Variants in UBTD1 observed in about 807,000 individuals in gnomAD.
UBTD1 encodes the protein ubiquitin domain containing 1, also known as ubiquitin domain-containing protein 1.
A neutral mutation model predicts 21.7 loss-of-function variants in UBTD1; 19 were observed. The observed-to-expected ratio is 0.87, with a 90% CI of 0.61 to 1.28. The LOEUF (loss-of-function observed/expected upper bound fraction) is 1.28, where lower values mean the gene tolerates loss of function less well. Among genes scored for constraint, UBTD1 ranks in the 50% most tolerant of loss-of-function variants. The pLI, the probability that UBTD1 is intolerant of heterozygous loss-of-function variation, is 0.00. For synonymous variants in UBTD1, 116 were observed against 135.1 expected, an observed-to-expected ratio of 0.86 and a Z score of 0.98; for missense variants, 282 against 315.1, an observed-to-expected ratio of 0.89 and a Z score of 0.80.
rs72835904 is a variant in UBTD1, at chr10:97,527,219, C to T, written c.70+27946C>T. Among the ~76,000 whole-genome samples the T allele has an allele frequency of 6.4e-3, 888 of 138,302 alleles. 1 individual carries two copies. Among genetic ancestry groups the T allele is most frequent in the Middle Eastern group, 0.018 (4 of 226 alleles). The allele number at this position is 138,302 out of a possible 152,430, so 90.7% of individuals were successfully genotyped here. A position where few individuals can be genotyped will look rare whatever the true frequency, so the allele number is the denominator to read the frequency against. On this transcript the variant is annotated intron_variant, in intron 1 of 2. Coordinates refer to ENST00000370664, the MANE Select transcript of UBTD1 (RefSeq NM_024954.5). The stretch of plus-strand genomic sequence containing the variant: ...AGCCTGCCTTGGCAGGCTGCGGTGG[C>T]TTATGCCTATAATCCCATATGCGTT...
rs912644341 is a variant in UBTD1 at position 97,570,039 on chromosome 10, G to A, written c.299-99G>A. ...CCCATGTCCAAATACAGTCACATTG[G>A]GGGTTAGAGTTTCACCATATGAATT... On this transcript the variant is annotated intron_variant, in intron 2 of 2. Transcript: ENST00000370664. This position sits in a 1 kb window ranked among gnomAD's most constrained non-coding sequence, Gnocchi z 6.6. 20 of 1,472,044 alleles carry A rather than the reference G, an allele frequency of 1.4e-5. No individual in the cohort carries two copies. Among genetic ancestry groups the A allele is most frequent in the African/African-American group, 2.8e-5 (2 of 71,350 alleles). 91.2% of individuals were successfully genotyped at this position (1,472,044 alleles called of 1,614,324 possible).
chr10:97,525,258 A>G (rs1417120657), intron 1 of UBTD1, among the ~76,000 whole-genome samples: 1 of 152,154 alleles, frequency 6.6e-6, no homozygotes, highest in Non-Finnish European at 1.5e-5. Context: ...AACCCAGACA[A>G]TCTGTAAATG....
intron 1 of UBTD1, among the ~76,000 whole-genome samples, chr10:97,550,793 G>C (rs1475183886): frequency 6.6e-6 from 1 of 152,134 alleles, no homozygotes; most frequent in Non-Finnish European, 1.5e-5. Context: ...TGGGCAACTT[G>C]GAGAGGACCT....
chr10:97,570,194 T>C lies in UBTD1; in HGVS notation c.355T>C (p.Cys119Arg), dbSNP rs1168546700. ...LGNRYQLPIY[C>R]LSPPVNLLLE... ...CAATCGCTACCAGCTGCCCATCTAC[T>C]GCCTGTCACCGCCGGTGAACCTGCT... Residue 119 changes from cysteine (C) to arginine (R), a missense_variant, in exon 3 of 3, where the codon TGC becomes CGC. Cys to Arg is a radical substitution (Grantham distance 180). Coordinates refer to ENST00000370664, the MANE Select transcript of UBTD1 (RefSeq NM_024954.5). The surrounding 1 kb of genome is among the most constrained non-coding windows in gnomAD (Gnocchi z 6.6). The C allele has an allele frequency of 4.3e-6, 7 of 1,613,042 alleles. No homozygotes were observed. Among genetic ancestry groups the C allele is most frequent in the Non-Finnish European group, 5.9e-6 (7 of 1,179,852 alleles).
chr10:97,532,611 G>T (rs1383216284), intron 1 of UBTD1, among the ~76,000 whole-genome samples: 1 of 152,200 alleles, frequency 6.6e-6, no homozygotes, highest in Non-Finnish European at 1.5e-5. Flanking sequence ...CCAACATGGT[G>T]AAACCCCGTC....
intron 1 of UBTD1, among the ~76,000 whole-genome samples, chr10:97,511,632 G>C (rs2040423441): frequency 6.6e-6 from 1 of 152,036 alleles, no homozygotes; most frequent in Admixed American, 6.5e-5. Context: ...ACTGTCCTCT[G>C]TTATATGGGA....
chr10:97,536,184 G>T (rs1589876047), intron 1 of UBTD1, among the ~76,000 whole-genome samples: 2 of 151,974 alleles, frequency 1.3e-5, no homozygotes, highest in East Asian at 3.9e-4. Context: ...TAGAGATGGG[G>T]TTTCACCATG....
chr10:97,540,402 TGTG>T (rs2040582229), intron 1 of UBTD1, among the ~76,000 whole-genome samples: 1 of 152,220 alleles, frequency 6.6e-6, no homozygotes. Flanking sequence ...CGCAGTATCT[TGTG>T]GGGGTCAGGA....
At chr10:97,535,354 G>A (rs749432801) in intron 1 of UBTD1, among the ~76,000 whole-genome samples, 5 of 152,154 alleles carry the variant, frequency 3.3e-5, no homozygotes, top group African/African-American at 4.8e-5. Flanking sequence ...GGTGGCTCAC[G>A]CCTGTAATCC....
At chr10:97,541,208 G>T (rs1055327953) in intron 1 of UBTD1, among the ~76,000 whole-genome samples, 5 of 152,190 alleles carry the variant, frequency 3.3e-5, no homozygotes, top group African/African-American at 9.7e-5. Context: ...CAGGCACGGT[G>T]GCTCATGCCT....
chr10:97,537,146 C>T (rs1047046925), intron 1 of UBTD1, among the ~76,000 whole-genome samples: 66 of 152,182 alleles, frequency 4.3e-4, no homozygotes, highest in African/African-American at 1.4e-3. Flanking sequence ...CCCTCATTTT[C>T]TCAGCCCCTT....
rs1381171839 is a variant in UBTD1 at position 97,499,102 on chromosome 10, C to G, written c.-102C>G. The stretch of plus-strand genomic sequence containing the variant: ...CCCCGGGGGGAGATCGGGGAGCGCC[C>G]GATGCCGGGCGGCCGGAGCCATTGA... On this transcript the variant is annotated 5_prime_UTR_variant, in exon 1 of 3. Coordinates refer to ENST00000370664, the MANE Select transcript of UBTD1 (RefSeq NM_024954.5). 3 of 1,331,156 alleles carry G rather than the reference C, an allele frequency of 2.3e-6. No individual in the cohort carries two copies. Among genetic ancestry groups the G allele is most frequent in the African/African-American group, 3.1e-5 (2 of 64,996 alleles). 82.5% of individuals were successfully genotyped at this position (1,331,156 alleles called of 1,614,324 possible). A position where few individuals can be genotyped will look rare whatever the true frequency, so the allele number is the denominator to read the frequency against.
Position 97,570,330 on chromosome 10 carries a change from G to A in UBTD1, c.491G>A (p.Ser164Asn). Residue 164 changes from serine (S) to asparagine (N), a missense_variant, in exon 3 of 3, where the codon AGC (serine) becomes AAC (asparagine). Physicochemically the swap from Ser to Asn is conservative, Grantham distance 46 (BLOSUM62 1). Transcript: ENST00000370664. The surrounding 1 kb of genome is among the most constrained non-coding windows in gnomAD (Gnocchi z 6.6). ...TCCACGGGCAAGGACGTGAGGCTCAGCGCCAGCCTGCCCGACACAGTGGGG... is the reference window on the plus strand; with the variant it reads ...TCCACGGGCAAGGACGTGAGGCTCAACGCCAGCCTGCCCGACACAGTGGGG... ...RLSTGKDVRL[S>N]ASLPDTVGQL... is the part of the protein sequence containing the mutation. The A allele has an allele frequency of 6.2e-7, 1 of 1,613,122 alleles. No individual in the cohort carries two copies. Among genetic ancestry groups the A allele is most frequent in the Non-Finnish European group, 8.5e-7 (1 of 1,179,892 alleles).
intron 1 of UBTD1, among the ~76,000 whole-genome samples, chr10:97,541,629 C>T (rs1159921594): frequency 6.6e-6 from 1 of 152,086 alleles, no homozygotes; most frequent in Non-Finnish European, 1.5e-5. Context: ...GATATTATTG[C>T]TCCCATTTTA....
At chr10:97,565,539 C>G (rs554158053) in intron 1 of UBTD1, among the ~76,000 whole-genome samples, 2 of 152,066 alleles carry the variant, frequency 1.3e-5, no homozygotes, top group African/African-American at 4.8e-5. Context: ...ATAGTCCCAG[C>G]TGCTTGGGAG....
intron 1 of UBTD1, among the ~76,000 whole-genome samples, chr10:97,506,469 C>T (rs759125426): frequency 4.0e-5 from 6 of 151,742 alleles, no homozygotes; most frequent in Non-Finnish European, 7.4e-5. Flanking sequence ...TTTTTCTTTC[C>T]TTTTTCTTTT....
chr10:97,519,816 A>G (rs1241692406), intron 1 of UBTD1, among the ~76,000 whole-genome samples: 2 of 152,172 alleles, frequency 1.3e-5, no homozygotes, highest in African/African-American at 4.8e-5. Flanking sequence ...ATGTGCTTTA[A>G]GAGGCTAAGA....
At chr10:97,557,551 TA>T (rs2135684309) in intron 1 of UBTD1, among the ~76,000 whole-genome samples, 1 of 152,314 alleles carries the variant, frequency 6.6e-6, no homozygotes, top group African/African-American at 2.4e-5. Flanking sequence ...CAGATATACT[TA>T]TTTTTTTTTA....
chr10:97,522,938 C>T (rs1344430913), intron 1 of UBTD1, among the ~76,000 whole-genome samples: 1 of 152,230 alleles, frequency 6.6e-6, no homozygotes, highest in African/African-American at 2.4e-5. Flanking sequence ...ATCTCCCTGA[C>T]TCCTTTCTTT....
Sources: allele counts gnomAD v4.1 joint callset (sites outside exome capture counted in the v4.1 genomes callset), GRCh38; gene constraint gnomAD v4.1.1; non-coding constraint Gnocchi (gnomAD v3.1); transcripts MANE v1.5; gene names NCBI Gene and HGNC (gene_info 2026-07-23, HGNC 2026-07-21).